GNA14: variants seen among roughly 807,000 people sequenced by gnomAD.
GNA14 encodes the protein G protein subunit alpha 14, also known as guanine nucleotide-binding protein subunit alpha-14.
A neutral mutation model predicts 42.0 loss-of-function variants in GNA14; 50 were observed. The ratio of observed to expected loss-of-function variants is 1.19; its 90% CI spans 0.95 to 1.51. The LOEUF (loss-of-function observed/expected upper bound fraction) is 1.51, where lower values mean the gene tolerates loss of function less well. Ranked by LOEUF, GNA14 falls within the 40% of genes most tolerant of loss-of-function variation. The pLI is 0.00. For synonymous variants in GNA14, 173 were observed against 163.1 expected (o/e 1.06, Z -0.46); for missense variants, 473 against 446.2 (o/e 1.06, Z -0.54).
At chr9:77,579,786 T>C (rs1452727650) in intron 1 of GNA14, among the ~76,000 whole-genome samples, 1 of 152,230 alleles carries the variant, frequency 6.6e-6, no homozygotes, top group Non-Finnish European at 1.5e-5. Context: ...TGTGAAGTGC[T>C]TGGACAGAAA....
chr9:77,582,261 A>G (rs994457397), intron 1 of GNA14, among the ~76,000 whole-genome samples: 1 of 152,138 alleles, frequency 6.6e-6, no homozygotes, highest in African/African-American at 2.4e-5. Context: ...TTGTGCTGCT[A>G]CTCAGTTATA....
In GNA14 at chr9:77,615,867, G is replaced by T. The variant is rs866513706; in HGVS notation, c.124+31803C>A. On this transcript the variant is annotated intron_variant, in intron 1 of 6. Coordinates refer to ENST00000341700, the MANE Select transcript of GNA14 (RefSeq NM_004297.4). ...GGTTTTTGTTTTTTTGTTTTTTGGG[G>T]TTTTTTTTTTGGAGAAATCCCAAAG... 5.4e-3 allele frequency among the ~76,000 whole-genome samples: 780 copies of T among 144,868 alleles called. 10 individuals are homozygous for T. The highest frequency in any genetic ancestry group is 0.019 in the African/African-American group (737 of 39,376).
intron 2 of GNA14, among the ~76,000 whole-genome samples, chr9:77,508,673 C>G (rs1837109468): frequency 6.6e-6 from 1 of 152,152 alleles, no homozygotes; most frequent in African/African-American, 2.4e-5. Flanking sequence ...CCCCAAGCAA[C>G]CAGATCTTGT....
At chr9:77,490,732 T>G (rs1836757608) in intron 2 of GNA14, among the ~76,000 whole-genome samples, 2 of 152,244 alleles carry the variant, frequency 1.3e-5, no homozygotes, top group South Asian at 4.1e-4. Context: ...TGCAAGCGCC[T>G]CACACAGCCC....
At chr9:77,465,205 A>G (rs754104519) in intron 2 of GNA14, among the ~76,000 whole-genome samples, 5 of 152,336 alleles carry the variant, frequency 3.3e-5, no homozygotes, top group Admixed American at 2.6e-4. Context: ...TGGGCAGCCA[A>G]TAAGACAACC....
intron 1 of GNA14, among the ~76,000 whole-genome samples, chr9:77,582,304 G>A (rs1823237955): frequency 6.6e-6 from 1 of 152,164 alleles, no homozygotes. Context: ...TCAGTGGTGT[G>A]CTTTCCTTTC....
At chr9:77,617,121 T>C (rs1823835940) in intron 1 of GNA14, among the ~76,000 whole-genome samples, 1 of 152,096 alleles carries the variant, frequency 6.6e-6, no homozygotes, top group African/African-American at 2.4e-5. Context: ...CCACCCACCT[T>C]GGCCTCCCAA....
intron 2 of GNA14, among the ~76,000 whole-genome samples, chr9:77,438,867 C>A (rs1244691992): frequency 6.6e-6 from 1 of 152,178 alleles, no homozygotes; most frequent in African/African-American, 2.4e-5. Flanking sequence ...ACAAGGACAT[C>A]ATCGTGCATA....
chr9:77,485,939 T>C (rs149069901), intron 2 of GNA14, among the ~76,000 whole-genome samples: 1 of 152,104 alleles, frequency 6.6e-6, no homozygotes, highest in East Asian at 1.9e-4. Flanking sequence ...TTAAGGGCCC[T>C]AGGGTTTTAG....
intron 1 of GNA14, among the ~76,000 whole-genome samples, chr9:77,626,244 G>A (rs992330219): frequency 2.6e-5 from 4 of 152,260 alleles, no homozygotes; most frequent in Admixed American, 1.3e-4. Flanking sequence ...CACAAAGCAA[G>A]TTCTTAGAGA....
chr9:77,464,300 C>T (rs1335217946), intron 2 of GNA14, among the ~76,000 whole-genome samples: 10 of 151,012 alleles, frequency 6.6e-5, no homozygotes, highest in Non-Finnish European at 8.8e-5. Context: ...CATGCCCGGC[C>T]ATGTGTGTAT....
At chr9:77,629,042 GA>G (rs869045166) in intron 1 of GNA14, among the ~76,000 whole-genome samples, 2 of 150,348 alleles carry the variant, frequency 1.3e-5, no homozygotes, top group Non-Finnish European at 3.0e-5. Flanking sequence ...GAATTTACAA[GA>G]AAAAAAAACC....
rs150194619 is a variant in GNA14 at position 77,524,254 on chromosome 9, T to TA, written c.309+4814dup. ...ATCTTAATTGAAAAAACATGTTAGT[T>TA]AAAAAACAAATGCGGAACTAAATTT... On this transcript the variant is annotated intron_variant, in intron 2 of 6. Coordinates refer to ENST00000341700, the MANE Select transcript of GNA14 (RefSeq NM_004297.4). Among the ~76,000 whole-genome samples the TA allele has an allele frequency of 1.0e-2, 1,521 of 152,270 alleles. 28 individuals carry two copies. Among genetic ancestry groups the TA allele is most frequent in the African/African-American group, 0.034 (1,421 of 41,542 alleles).
At chr9:77,645,165 G>A (rs970955953) in intron 1 of GNA14, among the ~76,000 whole-genome samples, 7 of 152,246 alleles carry the variant, frequency 4.6e-5, no homozygotes, top group Admixed American at 2.0e-4. Flanking sequence ...TTGTGAAAGA[G>A]ATGGTGTCTT....
chr9:77,467,295 T>C (rs1836252552), intron 2 of GNA14, among the ~76,000 whole-genome samples: 1 of 151,946 alleles, frequency 6.6e-6, no homozygotes, highest in African/African-American at 2.4e-5. Flanking sequence ...CTTATGCCCT[T>C]TGAGTCTTCT....
intron 1 of GNA14, among the ~76,000 whole-genome samples, chr9:77,550,730 C>T (rs1176260513): frequency 6.6e-6 from 1 of 152,188 alleles, no homozygotes; most frequent in Non-Finnish European, 1.5e-5. Flanking sequence ...CATGGAAGTT[C>T]AAAGAGAATC....
At chr9:77,627,985 AG>A (rs1824039011) in intron 1 of GNA14, among the ~76,000 whole-genome samples, 1 of 152,348 alleles carries the variant, frequency 6.6e-6, no homozygotes, top group South Asian at 2.1e-4. Context: ...TTTTATATTT[AG>A]AAAACCCCAG....
At chr9:77,563,255 T>A (rs907855608) in intron 1 of GNA14, among the ~76,000 whole-genome samples, 3 of 152,176 alleles carry the variant, frequency 2.0e-5, no homozygotes, top group African/African-American at 7.2e-5. Flanking sequence ...GAGCTCATGC[T>A]GTATATTATC....
At chr9:77,484,144 G>A (rs1188083128) in intron 2 of GNA14, among the ~76,000 whole-genome samples, 2 of 152,186 alleles carry the variant, frequency 1.3e-5, no homozygotes, top group African/African-American at 4.8e-5. Flanking sequence ...CAGTAAAGAG[G>A]TAAAGGGAAG....
Sources: gnomAD v4.1 joint callset for allele counts (sites outside exome capture counted in the v4.1 genomes callset) on GRCh38, gnomAD v4.1.1 for gene constraint, MANE v1.5 for transcripts, NCBI Gene and HGNC (gene_info 2026-07-23, HGNC 2026-07-21) for gene names.